AFDN: variants seen among roughly 807,000 people sequenced by gnomAD.
AFDN encodes afadin, adherens junction formation factor.
A neutral mutation model predicts 216.6 loss-of-function variants in AFDN; 68 were observed. The ratio of observed to expected loss-of-function variants is 0.31; its 90% CI spans 0.26 to 0.38. The LOEUF is 0.38. AFDN is among the 10% of genes least tolerant of loss of function. The pLI, the probability that AFDN is intolerant of heterozygous loss-of-function variation, is 1.00. For missense variants in AFDN, 2,136 were observed against 2,342.0 expected (o/e 0.91, Z 1.82); for synonymous variants, 868 against 853.7 (o/e 1.02, Z -0.29).
intron 1 of AFDN, among the ~76,000 whole-genome samples, chr6:167,841,592 T>G (rs1199621590): frequency 6.6e-6 from 1 of 152,224 alleles, no homozygotes. Flanking sequence ...TTAAAGTTTG[T>G]TAAATTGCAT....
chr6:167,913,615 T>C (rs976286381), intron 16 of AFDN, 192 bp downstream of exon 16: 2 of 581,138 alleles, frequency 3.4e-6, no homozygotes, highest in South Asian at 4.6e-5. Flanking sequence ...TTCTGCTTAA[T>C]GCACTTCAGT....
At position 167,875,365 on chromosome 6, in the gene AFDN, C is replaced by T; in HGVS notation, c.609C>T (p.Tyr203=). 3 of 1,613,238 alleles carry T rather than the reference C, an allele frequency of 1.9e-6. No homozygotes were observed. Among genetic ancestry groups the T allele is most frequent in the Non-Finnish European group, 2.5e-6 (3 of 1,179,684 alleles). ...ATTCTCGACTGGCTGCTGAGGTTTA[C>T]AAAGACATGCCGGAAACCAGCTTTA... ...VENSRLAAEV[Y]KDMPETSFTR... Residue 203 remains tyrosine, a synonymous_variant, in exon 5 of 34, where the codon TAC becomes TAT. Coordinates refer to ENST00000683244, the MANE Select transcript of AFDN (RefSeq NM_001386888.1).
intron 20 of AFDN, among the ~76,000 whole-genome samples, chr6:167,918,326 T>A (rs1225759352): frequency 6.6e-6 from 1 of 152,220 alleles, no homozygotes; most frequent in East Asian, 1.9e-4. Flanking sequence ...GTCTTTTATA[T>A]TTTACATTGT....
chr6:167,884,502 A>C lies in AFDN; in HGVS notation c.897+3985A>C, dbSNP rs530863821. Among the ~76,000 whole-genome samples the C allele has an allele frequency of 2.0e-5, 3 of 152,364 alleles. No homozygotes were observed. The South Asian group carries it at 6.2e-4, about 32-fold the overall frequency. On this transcript the variant is annotated intron_variant, in intron 6 of 33. Coordinates refer to ENST00000683244, the MANE Select transcript of AFDN (RefSeq NM_001386888.1). ...CAGAGTGGGTGTTGCTTTAGTAAGC[A>C]TGAAAACAATGTTAATCTTGTACCT...
chr6:167,850,694 T>C (rs1172252840), intron 1 of AFDN, among the ~76,000 whole-genome samples: 1 of 152,224 alleles, frequency 6.6e-6, no homozygotes, highest in African/African-American at 2.4e-5. Flanking sequence ...AGATGAAGAT[T>C]ATAAAACATT....
intron 8 of AFDN, among the ~76,000 whole-genome samples, chr6:167,891,947 A>G (rs1433868758): frequency 6.6e-6 from 1 of 152,212 alleles, no homozygotes; most frequent in Non-Finnish European, 1.5e-5. Context: ...GGCTCCATGA[A>G]TGTGAATTAC....
At chr6:167,853,394 T>A (rs1782533531) in intron 1 of AFDN, among the ~76,000 whole-genome samples, 1 of 152,036 alleles carries the variant, frequency 6.6e-6, no homozygotes, top group Non-Finnish European at 1.5e-5. Context: ...AGATACTGAC[T>A]TGTCAGTAGA....
chr6:167,952,299 C>CTAGGCT, intron 30 of AFDN, 112 bp downstream of exon 30: 2 of 1,569,660 alleles, frequency 1.3e-6, no homozygotes, highest in Non-Finnish European at 1.7e-6. Flanking sequence ...AAAAGGGCCC[C>CTAGGCT]TAGGCTTATA....
chr6:167,838,412 C>T (rs1780690154), intron 1 of AFDN, among the ~76,000 whole-genome samples: 1 of 152,162 alleles, frequency 6.6e-6, no homozygotes, highest in South Asian at 2.1e-4. Context: ...CTAGCCCTTC[C>T]CTGGTCTGTG....
intron 4 of AFDN, among the ~76,000 whole-genome samples, chr6:167,874,543 T>C (rs1785128771): frequency 6.6e-6 from 1 of 152,030 alleles, no homozygotes; most frequent in Non-Finnish European, 1.5e-5. Flanking sequence ...TTAATGCTTT[T>C]AAATCTTTTA....
intron 6 of AFDN, among the ~76,000 whole-genome samples, chr6:167,886,617 A>G (rs1263076360): frequency 3.9e-5 from 6 of 152,184 alleles, no homozygotes; most frequent in Admixed American, 2.0e-4. Flanking sequence ...TAAGAGAGAT[A>G]ATTTACCTAT....
chr6:167,923,650 A>T (rs532751264), intron 22 of AFDN, among the ~76,000 whole-genome samples: 76 of 137,578 alleles, frequency 5.5e-4, no homozygotes, highest in Non-Finnish European at 9.8e-4. Context: ...TTTGAGACAG[A>T]GTCTCGCTCA....
chr6:167,856,326 A>G (rs1583173078), intron 1 of AFDN, among the ~76,000 whole-genome samples: 1 of 152,022 alleles, frequency 6.6e-6, no homozygotes, highest in African/African-American at 2.4e-5. Flanking sequence ...AACCTGTAGT[A>G]TATATAGAGC....
chr6:167,951,904 G>C lies in AFDN; in HGVS notation c.4550G>C (p.Ser1517Thr), dbSNP rs974671882. 3.7e-6 allele frequency: 6 copies of C among 1,613,980 alleles called. No homozygotes were observed. The highest frequency in any genetic ancestry group is 2.2e-5 in the East Asian group (1 of 44,864). ...AAAGAGGAGCTTTCCTCGGGGGACA[G>C]TCTGTCCCCCGACCCGTGGAAGCGG... is the stretch of plus-strand genomic sequence containing the variant. Reference protein sequence around the residue: ...VSKEELSSGDSLSPDPWKRDA... With the variant: ...VSKEELSSGDTLSPDPWKRDA... The change falls in exon 30 of 34, where the codon AGT becomes ACT. Residue 1517 changes from serine to threonine, a missense_variant. Coordinates refer to ENST00000683244, the MANE Select transcript of AFDN (RefSeq NM_001386888.1). This position sits in a 1 kb window ranked among gnomAD's most constrained non-coding sequence, Gnocchi z 7.1.
intron 30 of AFDN, among the ~76,000 whole-genome samples, chr6:167,956,941 G>A (rs985584497): frequency 2.6e-5 from 4 of 152,154 alleles, no homozygotes; most frequent in Non-Finnish European, 2.9e-5. Flanking sequence ...GCAGTCTCAC[G>A]AGAATGTCCT....
intron 23 of AFDN, among the ~76,000 whole-genome samples, chr6:167,936,172 C>A (rs1374529549): frequency 6.6e-6 from 1 of 152,190 alleles, no homozygotes; most frequent in African/African-American, 2.4e-5. Flanking sequence ...TTTGGATGAG[C>A]CACACTTTCA....
chr6:167,879,574 G>A (rs1785852965), intron 5 of AFDN, among the ~76,000 whole-genome samples: 1 of 152,114 alleles, frequency 6.6e-6, no homozygotes, highest in African/African-American at 2.4e-5. Context: ...CAGATTTCAG[G>A]TTATATTAAT....
In AFDN at chr6:167,952,041, C is replaced by T. The variant is rs1440877489; in HGVS notation, c.4687C>T (p.Arg1563Trp). Residue 1563 changes from arginine to tryptophan, a missense_variant, in exon 30 of 34, where the codon CGG becomes TGG. Coordinates refer to ENST00000683244, the MANE Select transcript of AFDN (RefSeq NM_001386888.1). ...KPDRSAEESD[R>W]LRKLMLEWQF... ...GGACCGCAGCGCCGAGGAGAGCGAC[C>T]GGCTGCGCAAGCTCATGCTGGAGTG... 8.1e-6 allele frequency: 13 copies of T among 1,614,036 alleles called. No homozygotes were observed. The highest frequency in any genetic ancestry group is 1.3e-5 in the African/African-American group (1 of 74,918).
Position 167,951,335 on chromosome 6 carries a change from G to A in AFDN, c.3981G>A (p.Glu1327=). 1 of 1,614,140 alleles carries A rather than the reference G, an allele frequency of 6.2e-7. No homozygotes were observed. The highest frequency in any genetic ancestry group is 8.5e-7 in the Non-Finnish European group (1 of 1,180,028). ...TGGACTCCAGTACCTCTAGCCAGGAGCATCTGAACCATTCCTCTAAGTCGG... is the reference window on the plus strand; with the variant it reads ...TGGACTCCAGTACCTCTAGCCAGGAACATCTGAACCATTCCTCTAAGTCGG... ...SSLDSSTSSQ[E]HLNHSSKSVT... The change falls in exon 30 of 34, where the codon GAG becomes GAA. Residue 1327 remains glutamate (E), a synonymous_variant. Coordinates refer to ENST00000683244, the MANE Select transcript of AFDN (RefSeq NM_001386888.1). The surrounding 1 kb of genome is among the most constrained non-coding windows in gnomAD (Gnocchi z 7.1).
Sources: gnomAD v4.1 joint callset for allele counts (sites outside exome capture counted in the v4.1 genomes callset) on GRCh38, gnomAD v4.1.1 for gene constraint, Gnocchi (gnomAD v3.1) non-coding constraint, MANE v1.5 for transcripts, NCBI Gene and HGNC (gene_info 2026-07-23, HGNC 2026-07-21) for gene names.